SEMA3A: variants seen among roughly 807,000 people sequenced by gnomAD.
SEMA3A encodes the protein semaphorin 3A.
A neutral mutation model predicts 97.9 loss-of-function variants in SEMA3A; 29 were observed. The observed-to-expected ratio is 0.30, with a 90% CI of 0.22 to 0.40. The LOEUF (loss-of-function observed/expected upper bound fraction) is 0.40. Ranked by LOEUF, SEMA3A falls within the 10% of genes least tolerant of loss-of-function variation. The pLI, the probability that SEMA3A is intolerant of heterozygous loss-of-function variation, is 1.00. For missense variants in SEMA3A, 763 were observed against 951.3 expected, an observed-to-expected ratio of 0.80 and a Z score of 2.60; for synonymous variants, 321 against 323.7, an observed-to-expected ratio of 0.99 and a Z score of 0.09.
At chr7:84,040,851 T>C (rs1398798510) in intron 6 of SEMA3A, among the ~76,000 whole-genome samples, 1 of 152,122 alleles carries the variant, frequency 6.6e-6, no homozygotes, top group African/African-American at 2.4e-5. Context: ...GCCTTTGATA[T>C]AAAGAATTGT....
intron 11 of SEMA3A, among the ~76,000 whole-genome samples, chr7:84,004,266 GA>G (rs1240610335): frequency 6.6e-6 from 1 of 151,670 alleles, no homozygotes; most frequent in African/African-American, 2.4e-5. Flanking sequence ...AAAGAGCTGG[GA>G]AAAAATAAAA....
intron 1 of SEMA3A, among the ~76,000 whole-genome samples, chr7:84,150,277 C>G (rs1027325823): frequency 6.6e-6 from 1 of 152,184 alleles, no homozygotes; most frequent in African/African-American, 2.4e-5. Context: ...CTACAGCTCC[C>G]AGCGTGAGCG....
Position 84,194,414 on chromosome 7 carries a change from G to A in SEMA3A, c.112+61C>T, listed in dbSNP as rs1798149078. The A allele has an allele frequency of 7.4e-6, 8 of 1,087,568 alleles. No homozygotes were observed. The South Asian group carries it at 1.0e-4, about 14-fold the overall frequency. The allele number at this position is 1,087,568 out of a possible 1,614,324, so 67.4% of individuals were successfully genotyped here. A position where few individuals can be genotyped will look rare whatever the true frequency, so the allele number is the denominator to read the frequency against. ...GATTTGGGGTTGGGAGGGAGTTCAA[G>A]GAATTAAGGGGGGGGGCGGTTATTA... On this transcript the variant is annotated intron_variant, in intron 1 of 16. Coordinates refer to ENST00000265362, the MANE Select transcript of SEMA3A (RefSeq NM_006080.3).
chr7:84,081,225 C>T (rs1794142319), intron 4 of SEMA3A, among the ~76,000 whole-genome samples: 1 of 151,832 alleles, frequency 6.6e-6, no homozygotes, highest in East Asian at 1.9e-4. Context: ...GCATGATAGG[C>T]AAGAAAAATT....
intron 1 of SEMA3A, 82 bp from the exon 2 acceptor site, chr7:84,135,033 T>G (rs189584233): frequency 2.8e-6 from 3 of 1,066,288 alleles, no homozygotes; most frequent in East Asian, 5.0e-5. Context: ...GTAACCTGAC[T>G]ATATTGACTG....
chr7:84,489,872 T>C (rs1806674675), intron 1 of SEMA3A, among the ~76,000 whole-genome samples: 1 of 152,092 alleles, frequency 6.6e-6, no homozygotes, highest in Non-Finnish European at 1.5e-5. Context: ...AAAGAGAATA[T>C]CCCTTAGAAT....
rs536794323 is a variant in SEMA3A, at chr7:84,009,110, A to G, written c.996-1613T>C. On this transcript the variant is annotated intron_variant, in intron 9 of 16. Transcript: ENST00000265362. ...CAAACAACATGGGCATCACCTGGGT[A>G]CTTGTTTGAACTGCATATTCTTAGG... is the stretch of plus-strand genomic sequence containing the variant. Among the ~76,000 whole-genome samples the G allele has an allele frequency of 5.9e-5, 9 of 152,332 alleles. No homozygotes were observed. The South Asian group carries it at 8.3e-4, about 14-fold the overall frequency.
At chr7:84,044,284 C>G (rs575899378) in intron 6 of SEMA3A, among the ~76,000 whole-genome samples, 23 of 152,012 alleles carry the variant, frequency 1.5e-4, no homozygotes, top group African/African-American at 5.1e-4. Context: ...ACATGCTCTT[C>G]TCTTCATCTC....
intron 1 of SEMA3A, among the ~76,000 whole-genome samples, chr7:84,404,356 A>C (rs189440120): frequency 6.6e-6 from 1 of 152,304 alleles, no homozygotes; most frequent in Admixed American, 6.5e-5. Context: ...AAAGAATAAA[A>C]AGAAACGAAC....
At chr7:84,477,901 G>A (rs933207432) in intron 1 of SEMA3A, among the ~76,000 whole-genome samples, 2 of 152,176 alleles carry the variant, frequency 1.3e-5, no homozygotes, top group African/African-American at 4.8e-5. Context: ...ATTTGCCTTT[G>A]TGGAGCTCAT....
upstream of SEMA3A, among the ~76,000 whole-genome samples, chr7:84,196,130 AC>A (rs1655967996): frequency 1.9e-5 from 2 of 103,782 alleles, no homozygotes; most frequent in African/African-American, 7.5e-5. Context: ...ACCACTCCCC[AC>A]CCCCCACCTC....
intron 1 of SEMA3A, among the ~76,000 whole-genome samples, chr7:84,438,598 C>T (rs1400644102): frequency 6.6e-6 from 1 of 152,030 alleles, no homozygotes; most frequent in Non-Finnish European, 1.5e-5. Flanking sequence ...TGCCAGAAAA[C>T]CATCGGGAAG....
chr7:84,003,397 A>G lies in SEMA3A; in HGVS notation c.1361-1351T>C, dbSNP rs76537755. 3.7e-3 allele frequency among the ~76,000 whole-genome samples: 571 copies of G among 152,288 alleles called. 32 individuals are homozygous for G. In the East Asian group the frequency reaches 0.1, roughly 27 times the overall value. On this transcript the variant is annotated intron_variant, in intron 11 of 16. Coordinates refer to ENST00000265362, the MANE Select transcript of SEMA3A (RefSeq NM_006080.3). ...AGTAGTATTTCAAACAATTTCACAC[A>G]AATTGAATCAGATTACTCAACTAGG...
intron 2 of SEMA3A, among the ~76,000 whole-genome samples, chr7:84,348,899 G>A (rs1219170394): frequency 1.4e-5 from 2 of 144,600 alleles, no homozygotes; most frequent in Non-Finnish European, 3.1e-5. Flanking sequence ...CAGGAGAATC[G>A]CTTGAAACCG....
chr7:84,052,142 T>A (rs1209462131), intron 5 of SEMA3A, among the ~76,000 whole-genome samples: 1 of 152,002 alleles, frequency 6.6e-6, no homozygotes, highest in Non-Finnish European at 1.5e-5. Context: ...TTTGCATCAA[T>A]GTTCATCAAG....
intron 1 of SEMA3A, among the ~76,000 whole-genome samples, chr7:84,156,852 T>A (rs770660183): frequency 4.6e-5 from 7 of 152,176 alleles, no homozygotes; most frequent in Non-Finnish European, 1.0e-4. Flanking sequence ...CTGTATAACA[T>A]TATCAATCCC....
chr7:84,425,387 TATAATATATTCAC>T (rs1804777928), intron 1 of SEMA3A, among the ~76,000 whole-genome samples: 5 of 132,212 alleles, frequency 3.8e-5, no homozygotes, highest in African/African-American at 1.4e-4. Flanking sequence ...AATATATGCA[TATAATATATTCAC>T]ATAAATATAT....
chr7:84,301,504 T>C (rs370736465), intron 3 of SEMA3A, among the ~76,000 whole-genome samples: 32 of 152,264 alleles, frequency 2.1e-4, no homozygotes, highest in African/African-American at 6.7e-4. Context: ...TATCATCAGT[T>C]ATCAGACATA....
At chr7:84,408,548 T>A (rs1222819330) in intron 1 of SEMA3A, among the ~76,000 whole-genome samples, 2 of 152,104 alleles carry the variant, frequency 1.3e-5, no homozygotes, top group Admixed American at 6.6e-5. Context: ...ACTGGCTATA[T>A]ACCCAAAGGA....
Sources: gnomAD v4.1 joint callset for allele counts (sites outside exome capture counted in the v4.1 genomes callset) on GRCh38, gnomAD v4.1.1 for gene constraint, MANE v1.5 for transcripts, NCBI Gene and HGNC (gene_info 2026-07-23, HGNC 2026-07-21) for gene names.